HERC2: variants seen among roughly 807,000 people sequenced by gnomAD.
HERC2 encodes the protein HECT and RLD domain containing E3 ubiquitin protein ligase 2.
Under a neutral mutation model 537.7 loss-of-function variants are expected in HERC2, and 102 were observed. The observed-to-expected ratio is 0.19, with a 90% CI of 0.16 to 0.22. HERC2 has a LOEUF of 0.22. Ranked by LOEUF, HERC2 falls within the 10% of genes least tolerant of loss-of-function variation. The pLI is 1.00. For synonymous variants in HERC2, 2,224 were observed against 2,466.2 expected (o/e 0.90, Z 2.91); for missense variants, 4,236 against 6,198.2 (o/e 0.68, Z 10.63).
intron 10 of HERC2, among the ~76,000 whole-genome samples, chr15:28,269,811 G>A (rs1261630329): frequency 2.6e-5 from 4 of 152,264 alleles, no homozygotes; most frequent in African/African-American, 9.6e-5. Context: ...TGTTGGTGGT[G>A]AGAGAAATCA....
intron 70 of HERC2, among the ~76,000 whole-genome samples, chr15:28,148,267 C>T (rs1378809663): frequency 6.6e-6 from 1 of 151,788 alleles, no homozygotes; most frequent in Non-Finnish European, 1.5e-5. Flanking sequence ...AACTACATTC[C>T]AATGGAGACT....
At chr15:28,191,460 T>C (rs1028244181) in intron 53 of HERC2, among the ~76,000 whole-genome samples, 1 of 152,138 alleles carries the variant, frequency 6.6e-6, no homozygotes, top group Non-Finnish European at 1.5e-5. Context: ...TCAGAAACCA[T>C]GTATCTATAT....
At chr15:28,154,986 AT>A (rs1467437632) in intron 69 of HERC2, among the ~76,000 whole-genome samples, 1 of 140,392 alleles carries the variant, frequency 7.1e-6, no homozygotes, top group Admixed American at 7.7e-5. Context: ...TCATTGTTCA[AT>A]TCCCACCTAT....
At chr15:28,191,856 T>C in intron 53 of HERC2, 105 bp downstream of exon 53, 1 of 856,720 alleles carries the variant, frequency 1.2e-6, no homozygotes, top group Non-Finnish European at 1.8e-6. Context: ...TACTGACAGG[T>C]GCTATCAGCA....
intron 20 of HERC2, among the ~76,000 whole-genome samples, chr15:28,253,893 C>G (rs1050151584): frequency 1.3e-5 from 2 of 152,084 alleles, no homozygotes; most frequent in African/African-American, 4.8e-5. Context: ...ACCCAGGAGG[C>G]AGAGGTTGCA....
At chr15:28,300,393 T>C (rs2076588390) in intron 2 of HERC2, among the ~76,000 whole-genome samples, 1 of 149,554 alleles carries the variant, frequency 6.7e-6, no homozygotes, top group East Asian at 1.9e-4. Flanking sequence ...ATTAATATAA[T>C]ATACTATAAT....
chr15:28,263,894 T>C (rs1479894822), intron 14 of HERC2, among the ~76,000 whole-genome samples: 8 of 150,794 alleles, frequency 5.3e-5, no homozygotes, highest in African/African-American at 2.4e-5. Flanking sequence ...TAGCCAGGCA[T>C]GGTGGTGAAT....
At chr15:28,200,468 G>A (rs1897798858) in intron 48 of HERC2, among the ~76,000 whole-genome samples, 1 of 151,966 alleles carries the variant, frequency 6.6e-6, no homozygotes, top group South Asian at 2.1e-4. Flanking sequence ...CAGCCAAGCT[G>A]GTACCTTGAT....
intron 88 of HERC2, among the ~76,000 whole-genome samples, chr15:28,115,827 A>G (rs1888170654): frequency 6.6e-6 from 1 of 152,152 alleles, no homozygotes; most frequent in African/African-American, 2.4e-5. Flanking sequence ...AAGAGCTGGA[A>G]CTTCCCCACG....
intron 55 of HERC2, chr15:28,190,548 G>A (rs1349723784): frequency 1.8e-5 from 3 of 171,204 alleles, no homozygotes; most frequent in Non-Finnish European, 2.5e-5. Flanking sequence ...TTGCCACTCC[G>A]TGACAAGTTC....
chr15:28,165,830 G>A (rs1894078615), intron 68 of HERC2, among the ~76,000 whole-genome samples: 1 of 151,888 alleles, frequency 6.6e-6, no homozygotes, highest in South Asian at 2.1e-4. Context: ...ACTGATGTAT[G>A]TACCTATTAT....
chr15:28,293,492 C>CA (rs34632582), intron 3 of HERC2, among the ~76,000 whole-genome samples: 55 of 88,240 alleles, frequency 6.2e-4, no homozygotes, highest in African/African-American at 1.4e-3. Context: ...GACTCTGTCT[C>CA]AAAAAAAAAA....
chr15:28,187,473 A>G (rs1896422940), intron 55 of HERC2, among the ~76,000 whole-genome samples: 2 of 152,012 alleles, frequency 1.3e-5, no homozygotes, highest in South Asian at 4.1e-4. Flanking sequence ...CTAAGACCAC[A>G]GGCACTTGCC....
intron 65 of HERC2, among the ~76,000 whole-genome samples, chr15:28,170,444 A>G (rs1188848001): frequency 6.6e-6 from 1 of 152,244 alleles, no homozygotes; most frequent in African/African-American, 2.4e-5. Flanking sequence ...ATGGTGGTGG[A>G]GCAACTGGAC....
intron 2 of HERC2, among the ~76,000 whole-genome samples, chr15:28,308,394 T>G (rs917075031): frequency 1.3e-4 from 20 of 152,236 alleles, no homozygotes; most frequent in Non-Finnish European, 2.8e-4. Context: ...GATTTTTGTA[T>G]GTTGATTTCG....
chr15:28,190,480 A>G (rs1438532969), intron 55 of HERC2: 1 of 160,696 alleles, frequency 6.2e-6, no homozygotes, highest in African/African-American at 2.4e-5. Flanking sequence ...TGATTCTTTC[A>G]AACTTTTCCA....
intron 52 of HERC2, among the ~76,000 whole-genome samples, chr15:28,195,354 A>G (rs1298298285): frequency 1.3e-5 from 2 of 151,692 alleles, no homozygotes; most frequent in Admixed American, 6.6e-5. Flanking sequence ...CCAGCTACTC[A>G]GGAGGCTGAG....
intron 42 of HERC2, 173 bp from the exon 43 acceptor site, chr15:28,212,756 A>C (rs1020395499): frequency 7.7e-6 from 2 of 260,754 alleles, no homozygotes; most frequent in African/African-American, 4.6e-5. Flanking sequence ...ATAGAGATTT[A>C]CACATATAAT....
At chr15:28,309,637 G>A (rs1451113682) in intron 2 of HERC2, among the ~76,000 whole-genome samples, 2 of 152,024 alleles carry the variant, frequency 1.3e-5, no homozygotes, top group Admixed American at 6.6e-5. Flanking sequence ...CAACCACAAT[G>A]GATTCAATTC....
Sources: allele counts gnomAD v4.1 joint callset (sites outside exome capture counted in the v4.1 genomes callset), GRCh38; gene constraint gnomAD v4.1.1; transcripts MANE v1.5; gene names NCBI Gene and HGNC (gene_info 2026-07-23, HGNC 2026-07-21).